The following PCDH9 variants were observed in gnomAD, a reference collection of about 807,000 sequenced individuals.
PCDH9 encodes the protein protocadherin 9.
A neutral mutation model predicts 70.6 loss-of-function variants in PCDH9; 24 were observed. That is an observed-to-expected ratio of 0.34 (90% CI 0.25 to 0.48). The LOEUF (loss-of-function observed/expected upper bound fraction) is 0.48, where lower values mean the gene tolerates loss of function less well. Among genes scored for constraint, PCDH9 ranks in the 20% least tolerant of loss-of-function variants. The pLI is 0.99. For missense variants in PCDH9, 1,281 were observed against 1,503.6 expected, an observed-to-expected ratio of 0.85 and a Z score of 2.45; for synonymous variants, 562 against 558.5, an observed-to-expected ratio of 1.01 and a Z score of -0.09.
intron 2 of PCDH9, among the ~76,000 whole-genome samples, chr13:67,059,344 A>T (rs904779114): frequency 1.5e-5 from 2 of 137,238 alleles, no homozygotes; most frequent in African/African-American, 2.7e-5. Context: ...TTTCAAATAT[A>T]TATATATATT....
chr13:66,833,698 T>A (rs2080966676), intron 3 of PCDH9, among the ~76,000 whole-genome samples: 1 of 152,042 alleles, frequency 6.6e-6, no homozygotes, highest in South Asian at 2.1e-4. Context: ...CTTCCTATAG[T>A]TTGAGTTTAA....
intron 2 of PCDH9, among the ~76,000 whole-genome samples, chr13:66,994,802 C>T (rs1315468156): frequency 6.6e-6 from 1 of 152,146 alleles, no homozygotes; most frequent in Non-Finnish European, 1.5e-5. Context: ...TTTTACCCTA[C>T]TCTACGCTAT....
At chr13:67,165,013 T>A (rs2088071778) in intron 2 of PCDH9, among the ~76,000 whole-genome samples, 1 of 152,136 alleles carries the variant, frequency 6.6e-6, no homozygotes, top group South Asian at 2.1e-4. Flanking sequence ...TTATTGACCA[T>A]AGCATCCCCA....
intron 2 of PCDH9, among the ~76,000 whole-genome samples, chr13:67,033,473 T>A (rs2084947691): frequency 6.6e-6 from 1 of 152,138 alleles, no homozygotes; most frequent in Admixed American, 6.5e-5. Context: ...CCTAAAGGAA[T>A]GTTCTGTTAT....
intron 3 of PCDH9, among the ~76,000 whole-genome samples, chr13:66,707,114 A>C (rs751552222): frequency 7.2e-5 from 11 of 152,200 alleles, no homozygotes; most frequent in Non-Finnish European, 1.3e-4. Flanking sequence ...TACCCCCACA[A>C]AAAATCAGGG....
chr13:67,153,221 G>A (rs756914876), intron 2 of PCDH9, among the ~76,000 whole-genome samples: 1 of 151,644 alleles, frequency 6.6e-6, no homozygotes, highest in Non-Finnish European at 1.5e-5. Flanking sequence ...GAGTGCAATG[G>A]TGCGATCATG....
chr13:66,705,375 A>G (rs111476598), intron 3 of PCDH9, among the ~76,000 whole-genome samples: 2,977 of 152,284 alleles, frequency 0.02, 103 homozygotes, highest in African/African-American at 0.068. Context: ...GGATGCTAAC[A>G]CATTTTTCCA....
rs559805649 is a variant in PCDH9, at chr13:66,983,617, A to T, written c.3037-80012T>A. Among the ~76,000 whole-genome samples the T allele has an allele frequency of 9.8e-5, 15 of 152,330 alleles. No individual in the cohort carries two copies. The East Asian group carries it at 2.7e-3, about 27-fold the overall frequency. On this transcript the variant is annotated intron_variant, in intron 2 of 4. Transcript: ENST00000377865. ...TTTAAAAATATTCTCAAATTAAAAC[A>T]CAAGTATGTGTGTGCTCTGGCGACA...
intron 2 of PCDH9, among the ~76,000 whole-genome samples, chr13:67,157,383 A>T (rs1160596649): frequency 6.6e-6 from 1 of 152,240 alleles, no homozygotes. Flanking sequence ...TAAGACATAC[A>T]TATACTAACT....
intron 4 of PCDH9, among the ~76,000 whole-genome samples, chr13:66,351,905 T>A (rs535378860): frequency 4.6e-5 from 7 of 151,902 alleles, no homozygotes; most frequent in African/African-American, 1.7e-4. Context: ...AATGGCATGA[T>A]CTCACCTCAC....
At chr13:66,378,978 A>G (rs912333029) in intron 4 of PCDH9, among the ~76,000 whole-genome samples, 1 of 152,202 alleles carries the variant, frequency 6.6e-6, no homozygotes, top group Admixed American at 6.5e-5. Context: ...TTGTCTCTCA[A>G]GGGAAACTAT....
intron 3 of PCDH9, among the ~76,000 whole-genome samples, chr13:66,833,217 A>G (rs1170555369): frequency 6.6e-6 from 1 of 152,212 alleles, no homozygotes; most frequent in Non-Finnish European, 1.5e-5. Context: ...TCTCAGAGTA[A>G]CATTACATAA....
rs1246544175 is a variant in PCDH9 at position 66,741,992 on chromosome 13, C to A, written c.3139-110581G>T. On this transcript the variant is annotated intron_variant, in intron 3 of 4. Transcript: ENST00000377865. ...GTCTTCACAGAATTGGAAAAAACTA[C>A]TTTAAAGTTCATATGGAACCAAAAA... 7.5e-5 allele frequency among the ~76,000 whole-genome samples: 11 copies of A among 146,042 alleles called. No individual in the cohort carries two copies. The East Asian group carries it at 2.3e-3, about 30-fold the overall frequency.
At chr13:67,202,859 T>C (rs1487980685) in intron 2 of PCDH9, 1 of 152,128 alleles carries the variant, frequency 6.6e-6, no homozygotes, top group Non-Finnish European at 1.5e-5. Flanking sequence ...TGTATGTGTG[T>C]GTGCTGTGTG....
intron 2 of PCDH9, among the ~76,000 whole-genome samples, chr13:67,120,349 T>A (rs1413641900): frequency 6.6e-6 from 1 of 152,138 alleles, no homozygotes; most frequent in African/African-American, 2.4e-5. Context: ...CCTCTGTGGA[T>A]GCAGGTACTG....
intron 3 of PCDH9, among the ~76,000 whole-genome samples, chr13:66,709,519 C>T (rs746964250): frequency 8.5e-5 from 13 of 152,114 alleles, no homozygotes; most frequent in Non-Finnish European, 1.6e-4. Context: ...AAGGTAAGTA[C>T]ATGAATTAAC....
chr13:66,318,156 A>G (rs1955687928), intron 4 of PCDH9, among the ~76,000 whole-genome samples: 1 of 152,132 alleles, frequency 6.6e-6, no homozygotes, highest in South Asian at 2.1e-4. Flanking sequence ...CACCTTGCAA[A>G]TCCAGGGAAA....
chr13:66,928,783 C>T (rs567228111), intron 2 of PCDH9, among the ~76,000 whole-genome samples: 1 of 152,120 alleles, frequency 6.6e-6, no homozygotes, highest in Non-Finnish European at 1.5e-5. Context: ...AAATACATTT[C>T]TATTTTTTAT....
intron 4 of PCDH9, among the ~76,000 whole-genome samples, chr13:66,512,082 T>C (rs2138586076): frequency 6.6e-6 from 1 of 152,276 alleles, no homozygotes; most frequent in South Asian, 2.1e-4. Flanking sequence ...TTTTCACTTT[T>C]ACAGGTCTCA....
Sources: allele counts gnomAD v4.1 joint callset (sites outside exome capture counted in the v4.1 genomes callset), GRCh38; gene constraint gnomAD v4.1.1; transcripts MANE v1.5; gene names NCBI Gene and HGNC (gene_info 2026-07-23, HGNC 2026-07-21).